Variants in PCDHGB7 observed in about 807,000 individuals in gnomAD.
PCDHGB7 encodes the protein protocadherin gamma-B7.
A neutral mutation model predicts 61.4 loss-of-function variants in PCDHGB7; 37 were observed. The ratio of observed to expected loss-of-function variants is 0.60; its 90% CI spans 0.46 to 0.79. The LOEUF (loss-of-function observed/expected upper bound fraction) is 0.79, where lower values mean the gene tolerates loss of function less well. PCDHGB7 is among the 30% of genes least tolerant of loss of function. PCDHGB7 has a pLI of 0.00. For synonymous variants in PCDHGB7, 464 were observed against 503.5 expected (o/e 0.92, Z 1.05); for missense variants, 1,166 against 1,202.5 (o/e 0.97, Z 0.45).
At position 141,485,880 on chromosome 5, in the gene PCDHGB7, A is replaced by G; in HGVS notation, c.2416-8927A>G. 1 of 1,614,124 alleles carries G rather than the reference A, an allele frequency of 6.2e-7. No individual in the cohort carries two copies. Among genetic ancestry groups the G allele is most frequent in the Non-Finnish European group, 8.5e-7 (1 of 1,180,026 alleles). On this transcript the variant is annotated intron_variant, in intron 1 of 3. Transcript: ENST00000398594. The surrounding 1 kb of genome is among the most constrained non-coding windows in gnomAD (Gnocchi z 5.7). ...CTCCGGGTATCCGTGCTGGACGTAA[A>G]CGACAACGCCCCAGCCTTCCAGCAA... is the stretch of plus-strand genomic sequence containing the variant.
Position 141,486,955 on chromosome 5 carries a change from T to A in PCDHGB7, c.2416-7852T>A, listed in dbSNP as rs1459820579. 1.9e-6 allele frequency: 3 copies of A among 1,614,128 alleles called. No individual in the cohort carries two copies. The highest frequency in any genetic ancestry group is 2.5e-6 in the Non-Finnish European group (3 of 1,180,048). ...CTGGCCACCTAATCACAAAGGTGACTGCTGTGGACTTGGATTCAGGTTACA... is the reference window on the plus strand; with the variant it reads ...CTGGCCACCTAATCACAAAGGTGACAGCTGTGGACTTGGATTCAGGTTACA... On this transcript the variant is annotated intron_variant, in intron 1 of 3. Coordinates refer to ENST00000398594, the MANE Select transcript of PCDHGB7 (RefSeq NM_018927.4). This position sits in a 1 kb window ranked among gnomAD's most constrained non-coding sequence, Gnocchi z 5.0.
In PCDHGB7 at chr5:141,448,679, G is replaced by A. The variant is rs113043083; in HGVS notation, c.2415+28405G>A. On this transcript the variant is annotated intron_variant, in intron 1 of 3. Coordinates refer to ENST00000398594, the MANE Select transcript of PCDHGB7 (RefSeq NM_018927.4). Reference sequence around the variant, plus strand: ...ATATTGGCCGGGCGCGGTGGCTCACGCCTGTAATCGCAGCACTTTGGGAGG... The same window carrying A: ...ATATTGGCCGGGCGCGGTGGCTCACACCTGTAATCGCAGCACTTTGGGAGG... Among the ~76,000 whole-genome samples the A allele has an allele frequency of 8.3e-3, 1,260 of 152,126 alleles. 17 individuals are homozygous for A. Among genetic ancestry groups the A allele is most frequent in the African/African-American group, 0.029 (1,195 of 41,496 alleles).
At chr5:141,429,037 G>A (rs1404164429) in intron 1 of PCDHGB7, 1 of 152,054 alleles carries the variant, frequency 6.6e-6, no homozygotes, top group African/African-American at 2.4e-5. Flanking sequence ...TGCATTTTTA[G>A]TACAGACGGG....
At position 141,487,791 on chromosome 5, in the gene PCDHGB7, C is replaced by T; in HGVS notation, c.2416-7016C>T. ...CTTTGTAACTGTTTCGTGAATTAAC[C>T]AGAGTTGTCACAGTTTAGCATTGGG... On this transcript the variant is annotated intron_variant, in intron 1 of 3. Coordinates refer to ENST00000398594, the MANE Select transcript of PCDHGB7 (RefSeq NM_018927.4). This position sits in a 1 kb window ranked among gnomAD's most constrained non-coding sequence, Gnocchi z 5.0. 6.6e-7 allele frequency: 1 copy of T among 1,510,152 alleles called. No individual in the cohort carries two copies. The highest frequency in any genetic ancestry group is 1.4e-5 in the African/African-American group (1 of 72,206). The allele number at this position is 1,510,152 out of a possible 1,614,324, so 93.5% of individuals were successfully genotyped here. A position where few individuals can be genotyped will look rare whatever the true frequency, so the allele number is the denominator to read the frequency against.
Position 141,456,898 on chromosome 5 carries a change from G to A in PCDHGB7, c.2415+36624G>A, listed in dbSNP as rs1046778634. 3.9e-5 allele frequency among the ~76,000 whole-genome samples: 6 copies of A among 152,284 alleles called. No individual in the cohort carries two copies. The South Asian group carries it at 6.2e-4, about 16-fold the overall frequency. On this transcript the variant is annotated intron_variant, in intron 1 of 3. Transcript: ENST00000398594. ...GAATCGCTTGAACCCGGGAGGCAGA[G>A]GTTGCAGTGAGCCGAGATCGCACCA...
rs768135284 is a variant in PCDHGB7, at chr5:141,489,277, T to C, written c.2416-5530T>C. ...GACACTCCCACAGCTCGCTGGGAAA[T>C]GGCAAGTGCTGTGCATGTTGTCCTT... On this transcript the variant is annotated intron_variant, in intron 1 of 3. Transcript: ENST00000398594. This position sits in a 1 kb window ranked among gnomAD's most constrained non-coding sequence, Gnocchi z 4.5. 7.1e-6 allele frequency: 11 copies of C among 1,556,078 alleles called. No individual in the cohort carries two copies. Among genetic ancestry groups the C allele is most frequent in the South Asian group, 3.7e-5 (3 of 80,348 alleles).
At chr5:141,439,898 C>A (rs1428014089) in intron 1 of PCDHGB7, 2 of 152,344 alleles carry the variant, frequency 1.3e-5, no homozygotes, top group African/African-American at 4.8e-5. Flanking sequence ...ACCAAGGCGA[C>A]TACTGCCTCC....
chr5:141,449,936 T>C (rs1016569958), intron 1 of PCDHGB7, among the ~76,000 whole-genome samples: 4 of 151,978 alleles, frequency 2.6e-5, no homozygotes, highest in African/African-American at 9.6e-5. Context: ...CCTTATAGTA[T>C]ATTTTACTAT....
chr5:141,482,981 AGG>A (rs2099575420), intron 1 of PCDHGB7, among the ~76,000 whole-genome samples: 1 of 150,250 alleles, frequency 6.7e-6, no homozygotes, highest in African/African-American at 2.5e-5. Context: ...GCTACTTGAG[AGG>A]TCGAGGCAGG....
Position 141,477,964 on chromosome 5 carries a change from G to T in PCDHGB7, c.2416-16843G>T, listed in dbSNP as rs2099426491. On this transcript the variant is annotated intron_variant, in intron 1 of 3. Coordinates refer to ENST00000398594, the MANE Select transcript of PCDHGB7 (RefSeq NM_018927.4). The surrounding 1 kb of genome is among the most constrained non-coding windows in gnomAD (Gnocchi z 4.9). Reference sequence around the variant, plus strand: ...ACAGTCTCTTGGGATCCCCTAACCAGAGCCTTTTTGCCATAGGGCTGCACA... The same window carrying T: ...ACAGTCTCTTGGGATCCCCTAACCATAGCCTTTTTGCCATAGGGCTGCACA... 6.2e-7 allele frequency: 1 copy of T among 1,613,978 alleles called. No homozygotes were observed. The highest frequency in any genetic ancestry group is 1.1e-5 in the South Asian group (1 of 91,080).
intron 2 of PCDHGB7, among the ~76,000 whole-genome samples, chr5:141,500,774 A>G (rs1479931234): frequency 6.6e-6 from 1 of 152,188 alleles, no homozygotes; most frequent in Non-Finnish European, 1.5e-5. Context: ...TCTTATGAAT[A>G]TACATATTAT....
rs764976894 is a variant in PCDHGB7, at chr5:141,476,238, G to T, written c.2416-18569G>T. On this transcript the variant is annotated intron_variant, in intron 1 of 3. Transcript: ENST00000398594. The surrounding 1 kb of genome is among the most constrained non-coding windows in gnomAD (Gnocchi z 7.6). ...ATTCACTATGAGATCCCGGAGGAAA[G>T]AGAGAAGGGTTTCGCTGTGGGCAAC... is the stretch of plus-strand genomic sequence containing the variant. The T allele has an allele frequency of 3.1e-6, 5 of 1,614,098 alleles. No individual in the cohort carries two copies. The highest frequency in any genetic ancestry group is 4.2e-6 in the Non-Finnish European group (5 of 1,180,012).
chr5:141,486,728 G>T lies in PCDHGB7; in HGVS notation c.2416-8079G>T. On this transcript the variant is annotated intron_variant, in intron 1 of 3. Coordinates refer to ENST00000398594, the MANE Select transcript of PCDHGB7 (RefSeq NM_018927.4). This position sits in a 1 kb window ranked among gnomAD's most constrained non-coding sequence, Gnocchi z 5.0. Reference sequence around the variant, plus strand: ...GAACCCCCAGACAGGAGCTGTTCATGCTACTCGATCCTTTGACTATGAGCA... The same window carrying T: ...GAACCCCCAGACAGGAGCTGTTCATTCTACTCGATCCTTTGACTATGAGCA... The T allele has an allele frequency of 6.2e-7, 1 of 1,614,200 alleles. No individual in the cohort carries two copies. The highest frequency in any genetic ancestry group is 8.5e-7 in the Non-Finnish European group (1 of 1,180,052).
At chr5:141,464,000 T>C (rs1045842127) in intron 1 of PCDHGB7, among the ~76,000 whole-genome samples, 15 of 152,158 alleles carry the variant, frequency 9.9e-5, no homozygotes, top group Non-Finnish European at 1.3e-4. Context: ...GTGCAGTGGC[T>C]CATGCTTGTA....
chr5:141,433,564 G>A (rs1380905062), intron 1 of PCDHGB7, among the ~76,000 whole-genome samples: 1 of 152,042 alleles, frequency 6.6e-6, no homozygotes, highest in Non-Finnish European at 1.5e-5. Flanking sequence ...GGCTGGGCGC[G>A]GTGGCTCACG....
At position 141,511,516 on chromosome 5, in the gene PCDHGB7, T is replaced by A. The variant is rs2099883825; in HGVS notation, c.*343T>A. ...CTTCCAAATCAATCAGGCCCATCCA[T>A]CCCATGCCTCCCTCCTCCCCACCCC... is the stretch of plus-strand genomic sequence containing the variant. On this transcript the variant is annotated 3_prime_UTR_variant, in exon 4 of 4. Transcript: ENST00000398594. 1 of 365,020 alleles carries A rather than the reference T, an allele frequency of 2.7e-6. No individual in the cohort carries two copies. Among genetic ancestry groups the A allele is most frequent in the Admixed American group, 4.0e-5 (1 of 25,162 alleles). The allele number at this position is 365,020 out of a possible 1,614,324, so 22.6% of individuals were successfully genotyped here.
At chr5:141,428,613 CAAGAT>C (rs1385471747) in intron 1 of PCDHGB7, 1 of 212,608 alleles carries the variant, frequency 4.7e-6, no homozygotes, top group African/African-American at 2.3e-5. Flanking sequence ...AAGAGAATAA[CAAGAT>C]AAGCTCTAAC....
chr5:141,509,081 A>T (rs1279221589), intron 3 of PCDHGB7, among the ~76,000 whole-genome samples: 1 of 152,160 alleles, frequency 6.6e-6, no homozygotes, highest in Non-Finnish European at 1.5e-5. Context: ...GATTTGCGAC[A>T]TGAAATGGGG....
intron 2 of PCDHGB7, among the ~76,000 whole-genome samples, chr5:141,503,744 A>G (rs1310696654): frequency 2.0e-5 from 3 of 152,112 alleles, no homozygotes; most frequent in African/African-American, 4.8e-5. Context: ...GATGGTATAG[A>G]GGTCACACAT....
Sources: gnomAD v4.1 joint callset for allele counts (sites outside exome capture counted in the v4.1 genomes callset) on GRCh38, gnomAD v4.1.1 for gene constraint, Gnocchi (gnomAD v3.1) non-coding constraint, MANE v1.5 for transcripts, NCBI Gene and HGNC (gene_info 2026-07-23, HGNC 2026-07-21) for gene names.